EPN1: variants seen among roughly 807,000 people sequenced by gnomAD.
The protein encoded by EPN1 is epsin-1.
In EPN1, 25 loss-of-function variants were observed where a neutral mutation model predicts 56.9. The observed-to-expected ratio is 0.44, with a 90% CI of 0.32 to 0.61. The LOEUF (loss-of-function observed/expected upper bound fraction) is 0.61, where lower values mean the gene tolerates loss of function less well. EPN1 is among the 20% of genes least tolerant of loss of function. The pLI is 0.05. For missense variants in EPN1, 785 were observed against 823.7 expected, an observed-to-expected ratio of 0.95 and a Z score of 0.58; for synonymous variants, 411 against 361.8, an observed-to-expected ratio of 1.14 and a Z score of -1.54.
chr19:55,685,678 G>C (rs557431674), intron 3 of EPN1, 33 bp downstream of exon 3: 1 of 1,567,228 alleles, frequency 6.4e-7, no homozygotes, highest in South Asian at 1.2e-5. Flanking sequence ...TGACGGCCTA[G>C]AGTCTGTCCT....
At position 55,704,074 on chromosome 19, in the gene EPN1, C is replaced by T. The variant is rs886798230; in HGVS notation, c.*8718C>T. On this transcript the variant is annotated 3_prime_UTR_variant, in exon 11 of 11. Coordinates refer to ENST00000270460, the MANE Select transcript of EPN1 (RefSeq NM_001130072.2). The stretch of plus-strand genomic sequence containing the variant: ...TCTCGCCCACACGGAGACAGTCGCT[C>T]TCACACGTACCTCTCGCGGGCTCTT... The T allele has an allele frequency of 2.6e-5, 4 of 152,294 alleles. No homozygotes were observed. Among genetic ancestry groups the T allele is most frequent in the Non-Finnish European group, 4.4e-5 (3 of 68,076 alleles). 9.4% of individuals were successfully genotyped at this position (152,294 alleles called of 1,614,324 possible).
intron 6 of EPN1, among the ~76,000 whole-genome samples, chr19:55,690,321 C>T (rs774368263): frequency 1.3e-5 from 2 of 152,266 alleles, no homozygotes; most frequent in Non-Finnish European, 2.9e-5. Flanking sequence ...TTGTCGGGCA[C>T]CTCCTTGGTG....
chr19:55,692,073 A>T lies in EPN1; in HGVS notation c.1066+16A>T, dbSNP rs1311942668. 3 of 1,422,326 alleles carry T rather than the reference A, an allele frequency of 2.1e-6. No homozygotes were observed. The highest frequency in any genetic ancestry group is 3.0e-5 in the South Asian group (2 of 65,936). The allele number at this position is 1,422,326 out of a possible 1,614,324, so 88.1% of individuals were successfully genotyped here. A position where few individuals can be genotyped will look rare whatever the true frequency, so the allele number is the denominator to read the frequency against. Reference sequence around the variant, plus strand: ...AGTTCCGATGGTGAGTGCGTGGCCCACTTGCATGCAGCCCCTACGCCTGTG... The same window carrying T: ...AGTTCCGATGGTGAGTGCGTGGCCCTCTTGCATGCAGCCCCTACGCCTGTG... On this transcript the variant is annotated intron_variant, in intron 7 of 10. Coordinates refer to ENST00000270460, the MANE Select transcript of EPN1 (RefSeq NM_001130072.2).
chr19:55,677,875 G>A, intron 1 of EPN1: 2 of 1,202,032 alleles, frequency 1.7e-6, no homozygotes, highest in Non-Finnish European at 2.2e-6. Flanking sequence ...CTTCCTCCTT[G>A]CATGGTTTAC....
intron 2 of EPN1, among the ~76,000 whole-genome samples, chr19:55,681,147 G>T (rs1985792050): frequency 6.6e-6 from 1 of 152,212 alleles, no homozygotes; most frequent in Non-Finnish European, 1.5e-5. Context: ...AGGAGGGTGA[G>T]CTGTGGGGGC....
In EPN1 at chr19:55,689,702, T is replaced by G. The variant is rs1410433411; in HGVS notation, c.679-165T>G. The stretch of plus-strand genomic sequence containing the variant: ...CCTTATCCCCTGTCCCGCCTGACCT[T>G]TGACCCAGGTGCCCCATCCCCATTT... On this transcript the variant is annotated intron_variant, in intron 5 of 10. Coordinates refer to ENST00000270460, the MANE Select transcript of EPN1 (RefSeq NM_001130072.2). This position sits in a 1 kb window ranked among gnomAD's most constrained non-coding sequence, Gnocchi z 5.7. 1.3e-5 allele frequency among the ~76,000 whole-genome samples: 2 copies of G among 152,192 alleles called. No homozygotes were observed. Among genetic ancestry groups the G allele is most frequent in the Non-Finnish European group, 2.9e-5 (2 of 68,032 alleles).
In EPN1 at chr19:55,692,734, C is replaced by A; in HGVS notation, c.1115C>A (p.Ala372Asp). The A allele has an allele frequency of 6.4e-7, 1 of 1,572,840 alleles. No individual in the cohort carries two copies. Among genetic ancestry groups the A allele is most frequent in the Non-Finnish European group, 8.6e-7 (1 of 1,159,682 alleles). The change falls in exon 8 of 11, where the codon GCC (alanine) becomes GAC (aspartate). Residue 372 changes from alanine to aspartate, a missense_variant. Coordinates refer to ENST00000270460, the MANE Select transcript of EPN1 (RefSeq NM_001130072.2). ...TCAGCCTCCGATCCCTGGACACCGG[C>A]CCCGGCCTTCTCAGATCCCTGGGGA... ...GPSASDPWTP[A>D]PAFSDPWGGS...
Position 55,677,176 on chromosome 19 carries a change from G to T in EPN1, c.-101-1351G>T. 1 of 1,551,434 alleles carries T rather than the reference G, an allele frequency of 6.4e-7. No individual in the cohort carries two copies. Among genetic ancestry groups the T allele is most frequent in the Non-Finnish European group, 8.7e-7 (1 of 1,146,776 alleles). On this transcript the variant is annotated intron_variant, in intron 1 of 10. Coordinates refer to ENST00000270460, the MANE Select transcript of EPN1 (RefSeq NM_001130072.2). ...TGGCTTCTTGGAGCCGCATAGATGG[G>T]TGATCAGAGCTGGCTCTGGAACCAG...
At chr19:55,677,906 G>C (rs1985547783) in intron 1 of EPN1, among the ~76,000 whole-genome samples, 1 of 152,202 alleles carries the variant, frequency 6.6e-6, no homozygotes, top group East Asian at 1.9e-4. Context: ...TTCTGGGCCA[G>C]CTTCTTTGCT....
At position 55,677,171 on chromosome 19, in the gene EPN1, G is replaced by A. The variant is rs1342157565; in HGVS notation, c.-101-1356G>A. The A allele has an allele frequency of 1.9e-6, 3 of 1,551,544 alleles. No homozygotes were observed. The East Asian group carries it at 7.3e-5, about 38-fold the overall frequency. Reference sequence around the variant, plus strand: ...CTCTGTGGCTTCTTGGAGCCGCATAGATGGGTGATCAGAGCTGGCTCTGGA... The same window carrying A: ...CTCTGTGGCTTCTTGGAGCCGCATAAATGGGTGATCAGAGCTGGCTCTGGA... On this transcript the variant is annotated intron_variant, in intron 1 of 10. Coordinates refer to ENST00000270460, the MANE Select transcript of EPN1 (RefSeq NM_001130072.2).
In EPN1 at chr19:55,695,423, G is replaced by C; in HGVS notation, c.*67G>C. On this transcript the variant is annotated 3_prime_UTR_variant, in exon 11 of 11. Coordinates refer to ENST00000270460, the MANE Select transcript of EPN1 (RefSeq NM_001130072.2). The surrounding 1 kb of genome is among the most constrained non-coding windows in gnomAD (Gnocchi z 4.4). The stretch of plus-strand genomic sequence containing the variant: ...TCCGGCTCCCTGGGAGATCAGTGTT[G>C]TGAGTGCATGTGAAATGGGGGATCC... 1.2e-6 allele frequency: 1 copy of C among 833,190 alleles called. No individual in the cohort carries two copies. The highest frequency in any genetic ancestry group is 1.9e-6 in the Non-Finnish European group (1 of 537,738). The allele number at this position is 833,190 out of a possible 1,614,324, so 51.6% of individuals were successfully genotyped here.
rs1455449734 is a variant in EPN1 at position 55,694,205 on chromosome 19, G to A, written c.1265-521G>A. 4 of 135,156 alleles carry A rather than the reference G, an allele frequency of 3.0e-5. No individual in the cohort carries two copies. The highest frequency in any genetic ancestry group is 2.2e-4 in the East Asian group (1 of 4,446). 8.4% of individuals were successfully genotyped at this position (135,156 alleles called of 1,614,324 possible). ...TTGCGCTCCAACTGGGGAAACGAGC[G>A]ACACTCCGTCTCAGAAAAAAAAAAA... On this transcript the variant is annotated intron_variant, in intron 9 of 10. Transcript: ENST00000270460. This position sits in a 1 kb window ranked among gnomAD's most constrained non-coding sequence, Gnocchi z 4.2.
In EPN1 at chr19:55,702,161, A is replaced by T. The variant is rs1197145407; in HGVS notation, c.*6805A>T. On this transcript the variant is annotated 3_prime_UTR_variant, in exon 11 of 11. Coordinates refer to ENST00000270460, the MANE Select transcript of EPN1 (RefSeq NM_001130072.2). Reference sequence around the variant, plus strand: ...TTTTTAGTAGAGACAAGGTTTCACCATGTTGGTCAGGCTGGTCTCCAACTC... The same window carrying T: ...TTTTTAGTAGAGACAAGGTTTCACCTTGTTGGTCAGGCTGGTCTCCAACTC... 2 of 152,068 alleles carry T rather than the reference A, an allele frequency of 1.3e-5. No individual in the cohort carries two copies. Among genetic ancestry groups the T allele is most frequent in the African/African-American group, 4.8e-5 (2 of 41,354 alleles). The allele number at this position is 152,068 out of a possible 1,614,324, so 9.4% of individuals were successfully genotyped here.
intron 2 of EPN1, among the ~76,000 whole-genome samples, chr19:55,682,280 A>G (rs1985867158): frequency 1.3e-5 from 2 of 152,236 alleles, no homozygotes; most frequent in South Asian, 4.1e-4. Flanking sequence ...CCTGTCTCCC[A>G]CAGCACCGTG....
chr19:55,683,885 CAGTAGTGTGGCTGTTG>C (rs1307306388), intron 2 of EPN1, among the ~76,000 whole-genome samples: 1 of 152,218 alleles, frequency 6.6e-6, no homozygotes, highest in African/African-American at 2.4e-5. Context: ...GTTGGTCCCA[CAGTAGTGTGGCTGTTG>C]GCACGACTCT....
chr19:55,708,874 A>G lies in EPN1; in HGVS notation c.*13518A>G, dbSNP rs753927619. On this transcript the variant is annotated 3_prime_UTR_variant, in exon 11 of 11. Transcript: ENST00000270460. ...GGTGAAGGTCCCACTGTGGCCAAGG[A>G]AAGCCTTTGTGAGACGACTACTTCA... The G allele has an allele frequency of 1.1e-5, 16 of 1,476,218 alleles. No homozygotes were observed. The highest frequency in any genetic ancestry group is 7.7e-5 in the East Asian group (3 of 38,858). The allele number at this position is 1,476,218 out of a possible 1,614,324, so 91.4% of individuals were successfully genotyped here.
Position 55,705,752 on chromosome 19 carries a change from G to A in EPN1, c.*10396G>A, listed in dbSNP as rs1987358980. 1 of 148,776 alleles carries A rather than the reference G, an allele frequency of 6.7e-6. No homozygotes were observed. Among genetic ancestry groups the A allele is most frequent in the Non-Finnish European group, 1.5e-5 (1 of 67,314 alleles). The allele number at this position is 148,776 out of a possible 1,614,324, so 9.2% of individuals were successfully genotyped here. ...CGAGAAAATGACATGTCAATCATAAGGTCAGGTTCTTCAACAGTCATACTG... is the reference window on the plus strand; with the variant it reads ...CGAGAAAATGACATGTCAATCATAAAGTCAGGTTCTTCAACAGTCATACTG... On this transcript the variant is annotated 3_prime_UTR_variant, in exon 11 of 11. Coordinates refer to ENST00000270460, the MANE Select transcript of EPN1 (RefSeq NM_001130072.2).
At chr19:55,677,483 G>A (rs962183889) in intron 1 of EPN1, 1 of 866,068 alleles carries the variant, frequency 1.2e-6, no homozygotes, top group Non-Finnish European at 1.8e-6. Context: ...GAGTTCAGGT[G>A]GGCCTCGGGT....
At chr19:55,684,056 G>GCTTTCCTT (rs1986005080) in intron 2 of EPN1, among the ~76,000 whole-genome samples, 1 of 152,178 alleles carries the variant, frequency 6.6e-6, no homozygotes, top group Non-Finnish European at 1.5e-5. Context: ...GCATAGCAAT[G>GCTTTCCTT]GCTTACCTGC....
Sources: gnomAD v4.1 joint callset for allele counts (sites outside exome capture counted in the v4.1 genomes callset) on GRCh38, gnomAD v4.1.1 for gene constraint, Gnocchi (gnomAD v3.1) non-coding constraint, MANE v1.5 for transcripts, NCBI Gene and HGNC (gene_info 2026-07-23, HGNC 2026-07-21) for gene names.